The following EPB41 variants were observed in gnomAD, a reference collection of about 807,000 sequenced individuals.
EPB41 encodes the protein protein 4.1.
Under a neutral mutation model 108.0 loss-of-function variants are expected in EPB41, and 65 were observed. The observed-to-expected ratio is 0.60, with a 90% CI of 0.49 to 0.74. The LOEUF (loss-of-function observed/expected upper bound fraction) is 0.74, where lower values mean the gene tolerates loss of function less well. EPB41 is among the 30% of genes least tolerant of loss of function. EPB41 has a pLI of 0.00. For missense variants in EPB41, 875 were observed against 1,037.0 expected (o/e 0.84, Z 2.15); for synonymous variants, 336 against 358.9 (o/e 0.94, Z 0.72).
At position 29,053,251 on chromosome 1, in the gene EPB41, A is replaced by G; in HGVS notation, c.1784A>G (p.Glu595Gly). Residue 595 changes from glutamate to glycine, a missense_variant, in exon 12 of 21, where the codon GAA (glutamate) becomes GGA (glycine). Transcript: ENST00000343067. The part of the protein sequence containing the change: ...PKAQKETVKA[E>G]VKKEDEPPEQ... ...GCACAGAAGGAAACAGTGAAGGCTG[A>G]AGTGAAAAAGGAAGACGAGCCACCT... 1.9e-6 allele frequency: 3 copies of G among 1,614,246 alleles called. No individual in the cohort carries two copies. Among genetic ancestry groups the G allele is most frequent in the Non-Finnish European group, 2.5e-6 (3 of 1,180,050 alleles).
At chr1:29,090,078 A>T (rs1660643714) in intron 16 of EPB41, among the ~76,000 whole-genome samples, 1 of 152,148 alleles carries the variant, frequency 6.6e-6, no homozygotes, top group Non-Finnish European at 1.5e-5. Context: ...AGCCTGGCCA[A>T]CATGGTGAAA....
chr1:28,998,949 G>A (rs2096242367), intron 4 of EPB41, among the ~76,000 whole-genome samples: 2 of 152,134 alleles, frequency 1.3e-5, no homozygotes, highest in African/African-American at 4.8e-5. Flanking sequence ...TGAATAATTT[G>A]AAAAAGTCTA....
At chr1:29,017,608 T>C (rs1303065828) in intron 6 of EPB41, among the ~76,000 whole-genome samples, 2 of 152,186 alleles carry the variant, frequency 1.3e-5, no homozygotes, top group Non-Finnish European at 2.9e-5. Context: ...ACTTAACTCA[T>C]CTTGGAGAGA....
chr1:28,901,468 G>A (rs1191181420), intron 1 of EPB41, among the ~76,000 whole-genome samples: 1 of 144,584 alleles, frequency 6.9e-6, no homozygotes, highest in Non-Finnish European at 1.5e-5. Flanking sequence ...CATGATCCGC[G>A]AGCCTCAGCC....
At chr1:29,100,731 G>A (rs1299591253) in intron 17 of EPB41, among the ~76,000 whole-genome samples, 1 of 145,678 alleles carries the variant, frequency 6.9e-6, no homozygotes. Context: ...TATTAAATAT[G>A]TAAATTAATA....
intron 11 of EPB41, among the ~76,000 whole-genome samples, chr1:29,046,932 A>C (rs1255759041): frequency 6.6e-6 from 1 of 152,100 alleles, no homozygotes; most frequent in African/African-American, 2.4e-5. Flanking sequence ...AACTATTTTC[A>C]TAAGAGAGAT....
chr1:29,002,257 G>A (rs1469013895), intron 4 of EPB41, among the ~76,000 whole-genome samples: 2 of 151,986 alleles, frequency 1.3e-5, no homozygotes, highest in Non-Finnish European at 2.9e-5. Flanking sequence ...GAGCCCAGGA[G>A]TTTTGAGACT....
intron 18 of EPB41, among the ~76,000 whole-genome samples, chr1:29,110,035 T>C (rs972543929): frequency 1.3e-5 from 2 of 150,062 alleles, no homozygotes; most frequent in African/African-American, 4.9e-5. Flanking sequence ...TCTATCTCAA[T>C]AGAAAGTTAA....
chr1:28,965,727 T>C lies in EPB41; in HGVS notation c.-7-21704T>C, dbSNP rs188550753. 2.4e-4 allele frequency among the ~76,000 whole-genome samples: 37 copies of C among 152,286 alleles called. 1 individual carries two copies. Among genetic ancestry groups the C allele is most frequent in the Admixed American group, 2.1e-3 (32 of 15,296 alleles). ...GGGATTTCAAACTCATTACCATTTG[T>C]AGTGATGCACTTCACTCTGATCTCC... On this transcript the variant is annotated intron_variant, in intron 1 of 20. Coordinates refer to ENST00000343067, the MANE Select transcript of EPB41 (RefSeq NM_001376013.1).
At chr1:28,934,666 T>TTCGTGTGTG (rs1553174370) in intron 1 of EPB41, among the ~76,000 whole-genome samples, 1 of 136,400 alleles carries the variant, frequency 7.3e-6, no homozygotes, top group East Asian at 2.1e-4. Context: ...TCTTTTGACA[T>TTCGTGTGTG]TGTGTGTGTG....
intron 1 of EPB41, among the ~76,000 whole-genome samples, chr1:28,973,962 G>C (rs929769612): frequency 6.6e-6 from 1 of 152,162 alleles, no homozygotes; most frequent in Non-Finnish European, 1.5e-5. Flanking sequence ...TCTGCCCTTA[G>C]GAGTCACATG....
intron 5 of EPB41, among the ~76,000 whole-genome samples, 155 bp from the exon 6 acceptor site, chr1:29,015,537 G>A (rs1406500161): frequency 6.6e-6 from 1 of 150,962 alleles, no homozygotes; most frequent in Admixed American, 6.6e-5. Context: ...TCACGCTACG[G>A]CACTCCAGCC....
At chr1:29,068,336 T>C (rs1036169203) in intron 16 of EPB41, among the ~76,000 whole-genome samples, 1 of 152,240 alleles carries the variant, frequency 6.6e-6, no homozygotes, top group African/African-American at 2.4e-5. Flanking sequence ...CTCTCTTGGA[T>C]GAGGCTGGGT....
At chr1:29,080,693 G>A (rs948543232) in intron 16 of EPB41, among the ~76,000 whole-genome samples, 3 of 152,118 alleles carry the variant, frequency 2.0e-5, no homozygotes, top group Non-Finnish European at 2.9e-5. Context: ...CTGGTTTTGC[G>A]GAAGTACTTT....
intron 16 of EPB41, among the ~76,000 whole-genome samples, chr1:29,086,583 C>T (rs1280510043): frequency 6.6e-6 from 1 of 151,860 alleles, no homozygotes; most frequent in African/African-American, 2.4e-5. Flanking sequence ...CCTTAAGATC[C>T]TTTTCATGTG....
chr1:28,981,335 G>A (rs1172699179), intron 1 of EPB41, among the ~76,000 whole-genome samples: 3 of 152,072 alleles, frequency 2.0e-5, no homozygotes, highest in South Asian at 2.1e-4. Flanking sequence ...CATGTATGTC[G>A]AATCATAGAA....
rs140164668 is a variant in EPB41 at position 29,118,176 on chromosome 1, C to T, written c.*1364C>T. 6.8e-3 allele frequency: 1,034 copies of T among 152,712 alleles called. 8 individuals are homozygous for T. The highest frequency in any genetic ancestry group is 0.023 in the African/African-American group (971 of 41,530). 9.5% of individuals were successfully genotyped at this position (152,712 alleles called of 1,614,324 possible). On this transcript the variant is annotated 3_prime_UTR_variant, in exon 21 of 21. Transcript: ENST00000343067. ...AAGCTGGAGTGCAGTGGCGCGATCT[C>T]GGCTCACTGCAACCTCCGCCTCCTG...
chr1:28,973,413 A>G (rs1472464979), intron 1 of EPB41, among the ~76,000 whole-genome samples: 1 of 152,058 alleles, frequency 6.6e-6, no homozygotes, highest in Non-Finnish European at 1.5e-5. Context: ...TTTCAGAGAC[A>G]GGGTCTTGCT....
intron 1 of EPB41, among the ~76,000 whole-genome samples, chr1:28,956,765 G>C (rs2094964757): frequency 6.6e-6 from 1 of 152,216 alleles, no homozygotes; most frequent in African/African-American, 2.4e-5. Context: ...ATTAGGTACT[G>C]TGGGAGATAC....
Sources: allele counts gnomAD v4.1 joint callset (sites outside exome capture counted in the v4.1 genomes callset), GRCh38; gene constraint gnomAD v4.1.1; transcripts MANE v1.5; gene names NCBI Gene and HGNC (gene_info 2026-07-23, HGNC 2026-07-21).